TLN2: variants seen among roughly 807,000 people sequenced by gnomAD.
TLN2 encodes the protein talin-2.
TLN2 carries 118 observed loss-of-function variants against 294.7 expected under a neutral mutation model. That is an observed-to-expected ratio of 0.40 (90% CI 0.34 to 0.47). The LOEUF (loss-of-function observed/expected upper bound fraction) is 0.47. Ranked by LOEUF, TLN2 falls within the 20% of genes least tolerant of loss-of-function variation. TLN2 has a pLI of 0.84. For missense variants in TLN2, 3,083 were observed against 3,282.2 expected, an observed-to-expected ratio of 0.94 and a Z score of 1.48; for synonymous variants, 1,431 against 1,304.5, an observed-to-expected ratio of 1.10 and a Z score of -2.09.
intron 3 of TLN2, among the ~76,000 whole-genome samples, chr15:62,622,194 C>G (rs1397083909): frequency 6.7e-6 from 1 of 150,360 alleles, no homozygotes; most frequent in African/African-American, 2.4e-5. Flanking sequence ...TATTATTAGT[C>G]TTAATTTGGA....
chr15:62,422,219 C>CAAAAAAAAAAAAAAAAA (rs386383227), intron 1 of TLN2, among the ~76,000 whole-genome samples: 1 of 55,356 alleles, frequency 1.8e-5, no homozygotes, highest in Non-Finnish European at 3.1e-5. Context: ...AACTCTGTCT[C>CAAAAAAAAAAAAAAAAA]AAAAAAAAAA....
chr15:62,716,537 A>G lies in TLN2; in HGVS notation c.2763+78A>G, dbSNP rs2059782925. ...ATTTGAAAAGATAGTTGAATTAACA[A>G]GGTGTTGACAATATAAAGAAAGCCA... On this transcript the variant is annotated intron_variant, in intron 23 of 58. Coordinates refer to ENST00000636159, the MANE Select transcript of TLN2 (RefSeq NM_015059.3). 6.0e-6 allele frequency: 9 copies of G among 1,489,740 alleles called. No homozygotes were observed. In the Admixed American group the frequency reaches 1.9e-4, roughly 31 times the overall value. 92.3% of individuals were successfully genotyped at this position (1,489,740 alleles called of 1,614,324 possible).
At chr15:62,527,990 A>G (rs1226086520) in intron 1 of TLN2, among the ~76,000 whole-genome samples, 2 of 152,366 alleles carry the variant, frequency 1.3e-5, no homozygotes, top group Non-Finnish European at 1.5e-5. Flanking sequence ...TTAAAAAATC[A>G]CATGAATATA....
chr15:62,772,675 T>A (rs1008367675), intron 42 of TLN2, among the ~76,000 whole-genome samples: 6 of 152,044 alleles, frequency 3.9e-5, no homozygotes, highest in African/African-American at 1.4e-4. Context: ...TTATTTTTTT[T>A]TTTTGAGACA....
At chr15:62,840,385 C>T (rs932975908) in intron 58 of TLN2, 97 bp from the exon 59 acceptor site, 18 of 1,520,200 alleles carry the variant, frequency 1.2e-5, no homozygotes, top group African/African-American at 6.9e-5. Flanking sequence ...CAGTGTCCCA[C>T]GGTCGCGGGA....
Position 62,809,803 on chromosome 15 carries a change from G to A in TLN2, c.6664-122G>A, listed in dbSNP as rs2066553039. The stretch of plus-strand genomic sequence containing the variant: ...GACGTAGAGGAGAGATACCTCTTCT[G>A]TCCAGGGAGTCAGGGCAGTTTCTTG... On this transcript the variant is annotated intron_variant, in intron 51 of 58. Transcript: ENST00000636159. 10 of 827,888 alleles carry A rather than the reference G, an allele frequency of 1.2e-5. No individual in the cohort carries two copies. In the South Asian group the frequency reaches 1.6e-4, roughly 13 times the overall value. The allele number at this position is 827,888 out of a possible 1,614,324, so 51.3% of individuals were successfully genotyped here. A position where few individuals can be genotyped will look rare whatever the true frequency, so the allele number is the denominator to read the frequency against.
intron 21 of TLN2, 124 bp downstream of exon 21, chr15:62,708,920 A>G (rs2059245520): frequency 1.7e-6 from 2 of 1,161,656 alleles, no homozygotes; most frequent in Non-Finnish European, 2.4e-6. Flanking sequence ...TTCAGTCTCA[A>G]AGACTTCCCC....
intron 1 of TLN2, among the ~76,000 whole-genome samples, chr15:62,570,793 C>T (rs1197043400): frequency 3.9e-5 from 6 of 152,216 alleles, no homozygotes; most frequent in Non-Finnish European, 8.8e-5. Flanking sequence ...TGAATGTCTC[C>T]TGCATGGGAA....
chr15:62,411,761 C>T (rs2033793993), intron 1 of TLN2, among the ~76,000 whole-genome samples: 1 of 152,090 alleles, frequency 6.6e-6, no homozygotes, highest in African/African-American at 2.4e-5. Context: ...TACGCCAGAA[C>T]TTGGAAAAGT....
At chr15:62,641,564 A>C (rs2051109540) in intron 3 of TLN2, among the ~76,000 whole-genome samples, 1 of 152,170 alleles carries the variant, frequency 6.6e-6, no homozygotes. Context: ...CAGAGGTTGC[A>C]GTGACCCGAG....
At chr15:62,597,857 C>T (rs909252165) in intron 2 of TLN2, among the ~76,000 whole-genome samples, 5 of 152,072 alleles carry the variant, frequency 3.3e-5, no homozygotes, top group African/African-American at 1.2e-4. Context: ...TAATTTTGTG[C>T]GTGAAACAAA....
chr15:62,571,564 G>A (rs1378348393), intron 1 of TLN2, among the ~76,000 whole-genome samples: 2 of 152,142 alleles, frequency 1.3e-5, no homozygotes, highest in East Asian at 3.8e-4. Flanking sequence ...TTAAAAACAA[G>A]GTACTTTACC....
intron 43 of TLN2, among the ~76,000 whole-genome samples, chr15:62,779,924 G>A (rs764714025): frequency 6.6e-6 from 1 of 152,170 alleles, no homozygotes; most frequent in Non-Finnish European, 1.5e-5. Context: ...GTACATGCCT[G>A]CTCATGACAT....
At chr15:62,475,044 T>C (rs1247707905) in intron 1 of TLN2, among the ~76,000 whole-genome samples, 1 of 152,118 alleles carries the variant, frequency 6.6e-6, no homozygotes, top group African/African-American at 2.4e-5. Context: ...TTTGGGGAAA[T>C]AGAGCCAAAT....
At chr15:62,501,646 A>G (rs1595951694) in intron 1 of TLN2, among the ~76,000 whole-genome samples, 1 of 152,234 alleles carries the variant, frequency 6.6e-6, no homozygotes, top group Non-Finnish European at 1.5e-5. Context: ...TTGGAAAGGA[A>G]TAGTCACAAT....
rs1555407260 is a variant in TLN2 at position 62,437,752 on chromosome 15, G to GGGGT, written c.-238+47068_-238+47069insGGTG. Among the ~76,000 whole-genome samples the GGGGT allele has an allele frequency of 1.2e-3, 182 of 150,408 alleles. 1 individual carries two copies. The highest frequency in any genetic ancestry group is 1.6e-3 in the Admixed American group (24 of 15,116). Reference sequence around the variant, plus strand: ...CGGTACTTTCAAAAAACACCATGGGGGTGTGTGTGTGTGTGTGTGTGTCTG... The same window carrying GGGGT: ...CGGTACTTTCAAAAAACACCATGGGGGGGTGTGTGTGTGTGTGTGTGTGTGTCTG... On this transcript the variant is annotated intron_variant, in intron 1 of 58. Coordinates refer to ENST00000636159, the MANE Select transcript of TLN2 (RefSeq NM_015059.3).
chr15:62,704,795 C>G, intron 19 of TLN2, among the ~76,000 whole-genome samples: 1 of 152,196 alleles, frequency 6.6e-6, no homozygotes, highest in East Asian at 1.9e-4. Flanking sequence ...ATTTGCCTTT[C>G]CATATCCCCA....
rs952311756 is a variant in TLN2, at chr15:62,843,886, C to G, written c.*3276C>G. ...TTGGTTTCCTCCCTGGCAGATAGTC[C>G]CCAGAATCTTCTCTCCCAGCTTTGA... On this transcript the variant is annotated 3_prime_UTR_variant, in exon 59 of 59. Coordinates refer to ENST00000636159, the MANE Select transcript of TLN2 (RefSeq NM_015059.3). 4.6e-5 allele frequency: 7 copies of G among 152,216 alleles called. No homozygotes were observed. Among genetic ancestry groups the G allele is most frequent in the Middle Eastern group, 3.4e-3 (1 of 294 alleles). The allele number at this position is 152,216 out of a possible 1,614,324, so 9.4% of individuals were successfully genotyped here. A position where few individuals can be genotyped will look rare whatever the true frequency, so the allele number is the denominator to read the frequency against.
chr15:62,613,368 T>G (rs531024508), intron 2 of TLN2, among the ~76,000 whole-genome samples: 1 of 152,206 alleles, frequency 6.6e-6, no homozygotes, highest in African/African-American at 2.4e-5. Context: ...TCCTAGAAAG[T>G]AGACAAACCT....
Sources: gnomAD v4.1 joint callset for allele counts (sites outside exome capture counted in the v4.1 genomes callset) on GRCh38, gnomAD v4.1.1 for gene constraint, MANE v1.5 for transcripts, NCBI Gene and HGNC (gene_info 2026-07-23, HGNC 2026-07-21) for gene names.